The following ASB3 variants were observed in gnomAD, a reference collection of about 807,000 sequenced individuals.
ASB3 encodes ankyrin repeat and SOCS box containing 3, also known as ankyrin repeat and SOCS box protein 3.
ASB3 carries 41 observed loss-of-function variants against 54.5 expected under a neutral mutation model. That is an observed-to-expected ratio of 0.75 (90% CI 0.59 to 0.98). The LOEUF is 0.98. Ranked by LOEUF, ASB3 falls within the 50% of genes least tolerant of loss-of-function variation. The pLI, the probability that ASB3 is intolerant of heterozygous loss-of-function variation, is 0.00. For missense variants in ASB3, 733 were observed against 620.0 expected (o/e 1.18, Z -1.94); for synonymous variants, 266 against 221.2 (o/e 1.20, Z -1.80).
chr2:53,744,543 A>G (rs1232352832), intron 3 of ASB3, among the ~76,000 whole-genome samples: 12 of 152,202 alleles, frequency 7.9e-5, no homozygotes, highest in African/African-American at 2.9e-4. Flanking sequence ...TTTCAATCTA[A>G]GAAAACTCAA....
intron 2 of ASB3, among the ~76,000 whole-genome samples, chr2:53,762,206 C>T (rs1673185246): frequency 6.6e-6 from 1 of 151,384 alleles, no homozygotes; most frequent in Non-Finnish European, 1.5e-5. Context: ...TACATACACA[C>T]AAATATAGAC....
chr2:53,722,175 A>C (rs1670750156), intron 5 of ASB3, among the ~76,000 whole-genome samples: 1 of 151,382 alleles, frequency 6.6e-6, no homozygotes, highest in Admixed American at 6.6e-5. Flanking sequence ...TGAATCCATA[A>C]TAAAAAAAAA....
At chr2:53,708,546 G>C (rs1050007631) in intron 7 of ASB3, among the ~76,000 whole-genome samples, 1 of 152,230 alleles carries the variant, frequency 6.6e-6, no homozygotes, top group African/African-American at 2.4e-5. Context: ...CTTGGTAATG[G>C]CAGAGAGTGG....
intron 5 of ASB3, among the ~76,000 whole-genome samples, chr2:53,726,638 A>G (rs1671013446): frequency 6.6e-6 from 1 of 151,314 alleles, no homozygotes; most frequent in South Asian, 2.1e-4. Flanking sequence ...ATATACACAT[A>G]TATATACACA....
chr2:53,735,802 G>A (rs1326928235), intron 3 of ASB3, among the ~76,000 whole-genome samples: 2 of 152,012 alleles, frequency 1.3e-5, no homozygotes, highest in Non-Finnish European at 2.9e-5. Flanking sequence ...TAGAGAAAGA[G>A]ACTAATAAAA....
At chr2:53,697,009 G>A (rs985605927) in intron 8 of ASB3, among the ~76,000 whole-genome samples, 3 of 152,192 alleles carry the variant, frequency 2.0e-5, no homozygotes, top group East Asian at 1.9e-4. Context: ...GTCACAGGAT[G>A]AGACAGGAGG....
chr2:53,707,807 C>A (rs1405536095), intron 7 of ASB3, among the ~76,000 whole-genome samples: 1 of 151,470 alleles, frequency 6.6e-6, no homozygotes, highest in Non-Finnish European at 1.5e-5. Flanking sequence ...ACTAAAAATA[C>A]AAAAATTAGC....
At chr2:53,671,770 A>G (rs1295027667) in intron 9 of ASB3, among the ~76,000 whole-genome samples, 2 of 147,290 alleles carry the variant, frequency 1.4e-5, no homozygotes, top group East Asian at 1.9e-4. Flanking sequence ...AAAAAAAAAA[A>G]GAAAAGAATC....
chr2:53,770,564 T>A lies in ASB3; in HGVS notation c.-13-4979A>T, dbSNP rs577671962. Among the ~76,000 whole-genome samples the A allele has an allele frequency of 4.1e-4, 62 of 151,148 alleles. 1 individual carries two copies. The South Asian group carries it at 7.3e-3, about 18-fold the overall frequency. On this transcript the variant is annotated intron_variant, in intron 1 of 9. Transcript: ENST00000263634. ...TAGGTGTCACCTTTGTGCCTTAAAT[T>A]ATGGAACATTCCAAGTCTGGACTTT...
Position 53,768,684 on chromosome 2 carries a change from A to G in ASB3, c.-13-3099T>C, listed in dbSNP as rs114931697. Among the ~76,000 whole-genome samples, 652 of 152,366 alleles carry G rather than the reference A, an allele frequency of 4.3e-3. 7 individuals are homozygous for G. The highest frequency in any genetic ancestry group is 0.015 in the African/African-American group (624 of 41,588). Reference sequence around the variant, plus strand: ...TCATTACTATATCCAGCATTATTTTAATGTTACTTTCTTGATGGTTCTCAT... The same window carrying G: ...TCATTACTATATCCAGCATTATTTTGATGTTACTTTCTTGATGGTTCTCAT... On this transcript the variant is annotated intron_variant, in intron 1 of 9. Coordinates refer to ENST00000263634, the MANE Select transcript of ASB3 (RefSeq NM_016115.5).
chr2:53,700,096 C>T (rs1474939143), intron 8 of ASB3, among the ~76,000 whole-genome samples, 175 bp downstream of exon 8: 1 of 152,148 alleles, frequency 6.6e-6, no homozygotes, highest in Non-Finnish European at 1.5e-5. Flanking sequence ...TTTCCCAGGA[C>T]TCTGTGCTTA....
chr2:53,734,437 G>C (rs1204878916), intron 3 of ASB3, among the ~76,000 whole-genome samples: 2 of 152,068 alleles, frequency 1.3e-5, no homozygotes, highest in Admixed American at 6.5e-5. Context: ...CTCTTCTTGA[G>C]TCTACATTCA....
intron 7 of ASB3, among the ~76,000 whole-genome samples, chr2:53,712,336 T>TA (rs1670146510): frequency 6.6e-6 from 1 of 152,208 alleles, no homozygotes; most frequent in African/African-American, 2.4e-5. Flanking sequence ...ATCGTGTGTA[T>TA]GTTTCAGCTT....
chr2:53,697,927 G>T lies in ASB3; in HGVS notation c.1238+2344C>A, dbSNP rs545845730. Among the ~76,000 whole-genome samples, 8 of 152,324 alleles carry T rather than the reference G, an allele frequency of 5.3e-5. No homozygotes were observed. The East Asian group carries it at 1.5e-3, about 29-fold the overall frequency. ...CAGCTCTCCCAAGATGGCACTTCAT[G>T]CTGGTAGCTCTACAGTCCTGAGGTC... On this transcript the variant is annotated intron_variant, in intron 8 of 9. Transcript: ENST00000263634.
At chr2:53,708,563 T>C (rs572162022) in intron 7 of ASB3, among the ~76,000 whole-genome samples, 53 of 152,182 alleles carry the variant, frequency 3.5e-4, no homozygotes, top group Admixed American at 3.0e-3. Context: ...GTGGAAGAGT[T>C]TGGAGGGCTC....
chr2:53,727,466 TA>T (rs149058800), intron 5 of ASB3, among the ~76,000 whole-genome samples: 9,310 of 147,766 alleles, frequency 0.063, 486 homozygotes, highest in East Asian at 0.28. Context: ...CCACATGTCT[TA>T]AAAAAAAAAG....
At chr2:53,721,542 G>A (rs1670714725) in intron 5 of ASB3, among the ~76,000 whole-genome samples, 3 of 152,054 alleles carry the variant, frequency 2.0e-5, no homozygotes, top group Non-Finnish European at 4.4e-5. Flanking sequence ...CTGCACTCCA[G>A]CCTGGCGATA....
intron 3 of ASB3, among the ~76,000 whole-genome samples, chr2:53,729,934 A>T (rs2103909546): frequency 6.6e-6 from 1 of 152,304 alleles, no homozygotes; most frequent in Middle Eastern, 3.4e-3. Flanking sequence ...TCTCAAAAGG[A>T]CTGAAAGGTT....
At chr2:53,673,738 T>C (rs1667940046) in intron 9 of ASB3, among the ~76,000 whole-genome samples, 2 of 152,200 alleles carry the variant, frequency 1.3e-5, no homozygotes, top group Admixed American at 6.5e-5. Flanking sequence ...CCACTGAAAC[T>C]ATCATAAATT....
Sources: allele counts gnomAD v4.1 joint callset (sites outside exome capture counted in the v4.1 genomes callset), GRCh38; gene constraint gnomAD v4.1.1; transcripts MANE v1.5; gene names NCBI Gene and HGNC (gene_info 2026-07-23, HGNC 2026-07-21).